The following GRIA3 variants were observed in gnomAD, a reference collection of about 807,000 sequenced individuals.
GRIA3 encodes glutamate ionotropic receptor AMPA type subunit 3.
A neutral mutation model predicts 63.0 loss-of-function variants in GRIA3; 3 were observed. That is an observed-to-expected ratio of 0.05 (90% CI 0.02 to 0.12). The LOEUF is 0.12. Among genes scored for constraint, GRIA3 ranks in the 10% least tolerant of loss-of-function variants. The pLI, the probability that GRIA3 is intolerant of heterozygous loss-of-function variation, is 1.00. For missense variants in GRIA3, 347 were observed against 700.9 expected, an observed-to-expected ratio of 0.50 and a Z score of 5.70; for synonymous variants, 274 against 257.9, an observed-to-expected ratio of 1.06 and a Z score of -0.60.
intron 2 of GRIA3, among the ~76,000 whole-genome samples, chrX:123,242,740 G>A (rs1490087092): frequency 1.8e-5 from 2 of 112,513 alleles, no homozygotes; most frequent in African/African-American, 6.5e-5. Flanking sequence ...GCACGAACCT[G>A]TGAGGTGGGC....
At position 123,314,107 on chromosome X, in the gene GRIA3, C is replaced by T. The variant is rs1169255001; in HGVS notation, c.509-11919C>T. ...GTTGTGATCTATGGTCAGCTCTCTGCCCCGGGTATCTATAAAGTGCTTACT... is the reference window on the plus strand; with the variant it reads ...GTTGTGATCTATGGTCAGCTCTCTGTCCCGGGTATCTATAAAGTGCTTACT... On this transcript the variant is annotated intron_variant, in intron 3 of 15. Transcript: ENST00000620443. Among the ~76,000 whole-genome samples, 4 of 111,856 alleles carry T rather than the reference C, an allele frequency of 3.6e-5. No homozygotes were observed. In the East Asian group the frequency reaches 1.1e-3, roughly 32 times the overall value.
At chrX:123,365,907 A>C (rs1415172631) in intron 5 of GRIA3, among the ~76,000 whole-genome samples, 1 of 112,108 alleles carries the variant, frequency 8.9e-6, no homozygotes, top group African/African-American at 3.2e-5. Context: ...CTGGTTGCCC[A>C]TTTTTATGGT....
intron 5 of GRIA3, among the ~76,000 whole-genome samples, chrX:123,384,044 G>T (rs766249054): frequency 1.8e-5 from 2 of 111,884 alleles, no homozygotes; most frequent in East Asian, 5.6e-4. Flanking sequence ...TAATCTTCAT[G>T]TTATCACTGC....
At chrX:123,208,214 T>A (rs907502163) in intron 2 of GRIA3, among the ~76,000 whole-genome samples, 1 of 112,172 alleles carries the variant, frequency 8.9e-6, no homozygotes, top group African/African-American at 3.2e-5. Flanking sequence ...TACCAGGGAC[T>A]AAATGAAAAT....
intron 5 of GRIA3, among the ~76,000 whole-genome samples, chrX:123,363,463 A>G (rs191866807): frequency 7.1e-5 from 8 of 112,659 alleles, no homozygotes; most frequent in Non-Finnish European, 1.1e-4. Context: ...GAAATTCAGT[A>G]TGTGAAAATC....
At chrX:123,463,699 A>AG (rs1491557415) in intron 12 of GRIA3, among the ~76,000 whole-genome samples, 20 of 45,954 alleles carry the variant, frequency 4.4e-4, no homozygotes, top group Non-Finnish European at 6.5e-4. Context: ...AGAAAGAAAG[A>AG]AAAAGAAAGA....
intron 2 of GRIA3, among the ~76,000 whole-genome samples, chrX:123,191,161 C>T (rs1927423440): frequency 8.9e-6 from 1 of 112,143 alleles, no homozygotes; most frequent in Admixed American, 9.4e-5. Context: ...TTTGAAGGAC[C>T]TTTCATAAAA....
chrX:123,458,996 C>A (rs774010249), intron 12 of GRIA3, among the ~76,000 whole-genome samples: 1 of 111,750 alleles, frequency 8.9e-6, no homozygotes, highest in Admixed American at 9.5e-5. Context: ...AAAATAAATT[C>A]TGTCAGTAAA....
chrX:123,197,542 C>T (rs189255474), intron 2 of GRIA3, among the ~76,000 whole-genome samples: 12 of 111,994 alleles, frequency 1.1e-4, no homozygotes, highest in Non-Finnish European at 1.3e-4. Context: ...CAAACAAAAA[C>T]AGCAACAACA....
At chrX:123,412,168 A>G (rs1014985480) in intron 10 of GRIA3, among the ~76,000 whole-genome samples, 1 of 111,722 alleles carries the variant, frequency 9.0e-6, no homozygotes, top group Non-Finnish European at 1.9e-5. Context: ...CCTTCTTGCT[A>G]TGGCAATCCC....
chrX:123,425,845 A>G (rs1320510054), intron 11 of GRIA3, among the ~76,000 whole-genome samples: 1 of 112,242 alleles, frequency 8.9e-6, no homozygotes, highest in Non-Finnish European at 1.9e-5. Flanking sequence ...AAAAAAAATC[A>G]AGTCAGTTTG....
At chrX:123,444,812 C>A (rs2045694564) in intron 12 of GRIA3, among the ~76,000 whole-genome samples, 1 of 111,174 alleles carries the variant, frequency 9.0e-6, no homozygotes. Flanking sequence ...TCTCTTCTTC[C>A]CTCCCTTTTG....
At chrX:123,289,204 G>T (rs2044640336) in intron 3 of GRIA3, among the ~76,000 whole-genome samples, 1 of 110,612 alleles carries the variant, frequency 9.0e-6, no homozygotes, top group South Asian at 3.9e-4. Flanking sequence ...TCACTCACAA[G>T]TGGGAGTTGA....
chrX:123,198,073 C>G (rs772175218), intron 2 of GRIA3, among the ~76,000 whole-genome samples: 27 of 111,967 alleles, frequency 2.4e-4, no homozygotes, highest in African/African-American at 8.4e-4. Context: ...TTTCTTTGTT[C>G]TTTTCTACTT....
intron 2 of GRIA3, among the ~76,000 whole-genome samples, chrX:123,218,355 G>C (rs1287697499): frequency 8.9e-6 from 1 of 112,512 alleles, no homozygotes; most frequent in African/African-American, 3.2e-5. Context: ...ATACTGTTCT[G>C]AGTTGCAGCT....
At chrX:123,433,955 T>C (rs910404844) in intron 12 of GRIA3, among the ~76,000 whole-genome samples, 1 of 111,468 alleles carries the variant, frequency 9.0e-6, no homozygotes, top group Admixed American at 9.5e-5. Flanking sequence ...CCATGCTGAT[T>C]TGAAAAGGAG....
chrX:123,206,697 T>C (rs1283889614), intron 2 of GRIA3, among the ~76,000 whole-genome samples: 1 of 111,373 alleles, frequency 9.0e-6, no homozygotes, highest in African/African-American at 3.3e-5. Context: ...CTGTTCTTTT[T>C]AATAATAACA....
At chrX:123,204,718 G>GAAATACACCA in intron 2 of GRIA3, 1 of 876,502 alleles carries the variant, frequency 1.1e-6, no homozygotes, top group South Asian at 3.4e-5. Flanking sequence ...ATTTTTGGGA[G>GAAATACACCA]TTGAGGGGAA....
At chrX:123,367,069 C>T (rs752738307) in intron 5 of GRIA3, among the ~76,000 whole-genome samples, 13 of 110,576 alleles carry the variant, frequency 1.2e-4, no homozygotes, top group Non-Finnish European at 2.1e-4. Flanking sequence ...TATAAAAAGG[C>T]AAATAAAAAA....
Sources: allele counts gnomAD v4.1 joint callset (sites outside exome capture counted in the v4.1 genomes callset), GRCh38; gene constraint gnomAD v4.1.1; transcripts MANE v1.5; gene names NCBI Gene and HGNC (gene_info 2026-07-23, HGNC 2026-07-21).